Variants in SCAP observed in about 807,000 individuals in gnomAD.
SCAP encodes SREBF chaperone, also known as sterol regulatory element-binding protein cleavage-activating protein.
Under a neutral mutation model 123.6 loss-of-function variants are expected in SCAP, and 65 were observed. That is an observed-to-expected ratio of 0.53 (90% CI 0.43 to 0.65). The LOEUF is 0.65. Among genes scored for constraint, SCAP ranks in the 30% least tolerant of loss-of-function variants. The pLI is 0.00. For missense variants in SCAP, 1,398 were observed against 1,712.5 expected (o/e 0.82, Z 3.24); for synonymous variants, 740 against 726.3 (o/e 1.02, Z -0.30).
intron 1 of SCAP, among the ~76,000 whole-genome samples, chr3:47,451,632 C>T (rs1707235820): frequency 8.1e-6 from 1 of 123,032 alleles, no homozygotes; most frequent in Non-Finnish European, 1.8e-5. Flanking sequence ...CTCTTAGACT[C>T]CAGCAATCCT....
rs1237925940 is a variant in SCAP, at chr3:47,428,587, T to G, written c.336A>C (p.Val112=). The G allele has an allele frequency of 6.2e-7, 1 of 1,614,136 alleles. No individual in the cohort carries two copies. Among genetic ancestry groups the G allele is most frequent in the Non-Finnish European group, 8.5e-7 (1 of 1,180,018 alleles). Residue 112 remains valine (V), a synonymous_variant, in exon 4 of 23, where the codon GTA becomes GTC. Coordinates refer to ENST00000265565, the MANE Select transcript of SCAP (RefSeq NM_012235.4). The part of the protein sequence containing the change: ...VFPWHKNLLA[V]DVFRSPLSRA... The stretch of plus-strand genomic sequence containing the variant: ...GGGACAAAGGTGAACGAAATACATC[T>G]ACTGCCAGGAGGTTCTTGTGCCAGG...
intron 18 of SCAP, among the ~76,000 whole-genome samples, chr3:47,415,838 A>C (rs1207379478): frequency 1.3e-5 from 2 of 152,216 alleles, no homozygotes; most frequent in Admixed American, 1.3e-4. Flanking sequence ...AGAGCTGGGG[A>C]AGCCAGTTTT....
intron 10 of SCAP, 25 bp downstream of exon 10, chr3:47,422,417 C>G: frequency 6.2e-7 from 1 of 1,602,800 alleles, no homozygotes. Context: ...CATGCTCATC[C>G]AGGTGGCAGG....
At chr3:47,462,343 A>G (rs6442069) in intron 1 of SCAP, among the ~76,000 whole-genome samples, 145,931 of 152,164 alleles carry the variant, frequency 0.96, 70,299 homozygotes, top group East Asian at 1. Flanking sequence ...CTGCCCCATC[A>G]GCTATACAAC....
At chr3:47,430,808 G>T (rs1341291483) in intron 3 of SCAP, among the ~76,000 whole-genome samples, 1 of 151,856 alleles carries the variant, frequency 6.6e-6, no homozygotes, top group African/African-American at 2.4e-5. Flanking sequence ...CCAGCTGAGG[G>T]ATGAGGGGCT....
chr3:47,428,732 C>G, intron 3 of SCAP, 62 bp from the exon 4 acceptor site: 3 of 1,569,876 alleles, frequency 1.9e-6, no homozygotes, highest in Non-Finnish European at 2.6e-6. Flanking sequence ...AAAGACGGTC[C>G]AATTCAAGGG....
At position 47,418,376 on chromosome 3, in the gene SCAP, C is replaced by A; in HGVS notation, c.2276G>T (p.Gly759Val). 1 of 1,573,104 alleles carries A rather than the reference C, an allele frequency of 6.4e-7. No homozygotes were observed. The highest frequency in any genetic ancestry group is 8.6e-7 in the Non-Finnish European group (1 of 1,162,506). ...GATCTCCGTCTCGGGTGGCGCATAG[C>A]CGTAGTCGTCGCAGGGCAGCTCCCC... ...RRGELPCDDY[G>V]YAPPETEIVP... Residue 759 changes from glycine (G) to valine (V), a missense_variant, in exon 15 of 23, where the codon GGC becomes GTC. Coordinates refer to ENST00000265565, the MANE Select transcript of SCAP (RefSeq NM_012235.4).
intron 1 of SCAP, among the ~76,000 whole-genome samples, chr3:47,443,957 G>A (rs528514121): frequency 6.6e-6 from 1 of 152,150 alleles, no homozygotes. Context: ...ATCCCACAGA[G>A]GTTCCTGCTC....
At chr3:47,422,239 C>T (rs969599532) in intron 10 of SCAP, among the ~76,000 whole-genome samples, 1 of 152,266 alleles carries the variant, frequency 6.6e-6, no homozygotes, top group Non-Finnish European at 1.5e-5. Context: ...GGGAACCCAG[C>T]CAGGGTTTGC....
chr3:47,447,465 G>A (rs1338085969), intron 1 of SCAP, among the ~76,000 whole-genome samples: 3 of 152,092 alleles, frequency 2.0e-5, no homozygotes, highest in East Asian at 1.9e-4. Flanking sequence ...AAAGGTGGGC[G>A]GATTACAAGG....
Position 47,417,729 on chromosome 3 carries a change from C to A in SCAP, c.2545G>T (p.Gly849Trp). The A allele has an allele frequency of 6.2e-7, 1 of 1,608,102 alleles. No homozygotes were observed. Among genetic ancestry groups the A allele is most frequent in the Non-Finnish European group, 8.5e-7 (1 of 1,178,734 alleles). ...DGGKAGPEEP[G>W]DSPPLRHRPR... ...CGGTGTCTCAGGGGAGGGCTGTCCC[C>A]AGGCTCCTCTGGACCAGCCTTCCCA... is the stretch of plus-strand genomic sequence containing the variant. The change falls in exon 17 of 23, where the codon GGG (glycine) becomes TGG (tryptophan). Residue 849 changes from glycine (G) to tryptophan (W), a missense_variant. Around this residue, in one of 7 missense-constraint regions of SCAP, gnomAD observed 828 missense variants for 882.5 expected, o/e 0.94. Coordinates refer to ENST00000265565, the MANE Select transcript of SCAP (RefSeq NM_012235.4).
At chr3:47,424,074 C>G (rs1454145343) in intron 8 of SCAP, 29 bp from the exon 9 acceptor site, 1 of 1,562,422 alleles carries the variant, frequency 6.4e-7, no homozygotes, top group Non-Finnish European at 8.8e-7. Context: ...AAGGTGAGGA[C>G]AGTGTTGTGG....
At chr3:47,438,732 T>C (rs1016621344) in intron 2 of SCAP, among the ~76,000 whole-genome samples, 1 of 151,644 alleles carries the variant, frequency 6.6e-6, no homozygotes, top group Non-Finnish European at 1.5e-5. Flanking sequence ...GAGAATCGCT[T>C]GAACCCGGGA....
At chr3:47,424,972 G>C (rs879527549) in intron 8 of SCAP, among the ~76,000 whole-genome samples, 4 of 152,128 alleles carry the variant, frequency 2.6e-5, no homozygotes, top group Non-Finnish European at 4.4e-5. Context: ...CAGTGAAAAA[G>C]GCGACAAATT....
intron 1 of SCAP, among the ~76,000 whole-genome samples, chr3:47,455,883 A>C (rs2107973496): frequency 6.6e-6 from 1 of 152,334 alleles, no homozygotes; most frequent in South Asian, 2.1e-4. Flanking sequence ...ACCAAATAAC[A>C]AAACATGCTA....
At chr3:47,465,594 C>T (rs1205337250) in intron 1 of SCAP, among the ~76,000 whole-genome samples, 3 of 151,816 alleles carry the variant, frequency 2.0e-5, no homozygotes, top group Non-Finnish European at 4.4e-5. Flanking sequence ...CACAGTGAGA[C>T]TCCATCTCTA....
intron 1 of SCAP, among the ~76,000 whole-genome samples, chr3:47,461,849 C>T (rs1476629710): frequency 6.6e-6 from 1 of 152,146 alleles, no homozygotes; most frequent in Non-Finnish European, 1.5e-5. Context: ...GCGTGAGCAA[C>T]ACGGTGAAAC....
chr3:47,440,645 G>C (rs1706758317), intron 2 of SCAP, among the ~76,000 whole-genome samples: 1 of 152,168 alleles, frequency 6.6e-6, no homozygotes, highest in Non-Finnish European at 1.5e-5. Context: ...CCAAGGCGAG[G>C]GGATCACGAG....
rs1705462959 is a variant in SCAP, at chr3:47,414,358, T to C, written c.3416A>G (p.Asp1139Gly). Reference sequence around the variant, plus strand: ...TACATCCCACAGGCAGATGGCCCCATCTTGTCCTCCACTGGCCAGCACCAT... The same window carrying C: ...TACATCCCACAGGCAGATGGCCCCACCTTGTCCTCCACTGGCCAGCACCAT... ...QTMVLASGGQ[D>G]GAICLWDVLT... The change falls in exon 22 of 23, where the codon GAT becomes GGT. Residue 1139 changes from aspartate to glycine, a missense_variant. Physicochemically the swap from Asp to Gly is moderately conservative, Grantham distance 94 (BLOSUM62 -1). Coordinates refer to ENST00000265565, the MANE Select transcript of SCAP (RefSeq NM_012235.4). The C allele has an allele frequency of 6.2e-7, 1 of 1,612,736 alleles. No individual in the cohort carries two copies. Among genetic ancestry groups the C allele is most frequent in the African/African-American group, 1.3e-5 (1 of 74,898 alleles).
Sources: gnomAD v4.1 joint callset for allele counts (sites outside exome capture counted in the v4.1 genomes callset) on GRCh38, gnomAD v4.1.1 for gene constraint, gnomAD v4.1.1 regional missense constraint, MANE v1.5 for transcripts, NCBI Gene and HGNC (gene_info 2026-07-23, HGNC 2026-07-21) for gene names.